The following ZNF385D variants were observed in gnomAD, a reference collection of about 807,000 sequenced individuals.
The protein encoded by ZNF385D is zinc finger protein 659.
Under a neutral mutation model 35.8 loss-of-function variants are expected in ZNF385D, and 15 were observed. The observed-to-expected ratio is 0.42, with a 90% CI of 0.28 to 0.64. The LOEUF (loss-of-function observed/expected upper bound fraction) is 0.64. ZNF385D is among the 30% of genes least tolerant of loss of function. The pLI, the probability that ZNF385D is intolerant of heterozygous loss-of-function variation, is 0.23. For synonymous variants in ZNF385D, 212 were observed against 186.8 expected (o/e 1.13, Z -1.10); for missense variants, 474 against 494.6 (o/e 0.96, Z 0.39).
intron 3 of ZNF385D, among the ~76,000 whole-genome samples, chr3:21,513,029 C>T (rs77300348): frequency 2.3e-4 from 35 of 152,054 alleles, no homozygotes; most frequent in Non-Finnish European, 4.4e-4. Flanking sequence ...ATCGTGCTAT[C>T]TCCACTTATA....
In ZNF385D at chr3:22,228,085, T is replaced by C. The variant is rs116617982; in HGVS notation, c.107-59050A>G. Among the ~76,000 whole-genome samples, 1,367 of 152,220 alleles carry C rather than the reference T, an allele frequency of 9.0e-3. 18 individuals carry two copies. Among genetic ancestry groups the C allele is most frequent in the African/African-American group, 0.031 (1,288 of 41,528 alleles). ...ATGAAGACAGCGGAGACGGTGGTGATTGACAGAGAGGCAAGATGGTAAGAT... is the reference window on the plus strand; with the variant it reads ...ATGAAGACAGCGGAGACGGTGGTGACTGACAGAGAGGCAAGATGGTAAGAT... On this transcript the variant is annotated intron_variant, in intron 2 of 5. Transcript: ENST00000494108.
rs1298017718 is a variant in ZNF385D, at chr3:22,239,525, A to G, written c.107-70490T>C. Among the ~76,000 whole-genome samples, 15 of 151,002 alleles carry G rather than the reference A, an allele frequency of 9.9e-5. 1 individual carries two copies. The East Asian group carries it at 1.2e-3, about 12-fold the overall frequency. ...ACATACTACCACATATACAAAATACATATAATCATATTTTAAGTCTTTAAA... is the reference window on the plus strand; with the variant it reads ...ACATACTACCACATATACAAAATACGTATAATCATATTTTAAGTCTTTAAA... On this transcript the variant is annotated intron_variant, in intron 2 of 5. Coordinates refer to the ZNF385D transcript ENST00000494108.
At chr3:22,242,344 T>C (rs1478542571) in intron 2 of ZNF385D, among the ~76,000 whole-genome samples, 1 of 150,946 alleles carries the variant, frequency 6.6e-6, no homozygotes, top group Non-Finnish European at 1.5e-5. Flanking sequence ...TTGAAGAGAG[T>C]GCTTCTCACT....
chr3:21,949,550 C>CT (rs113874566), intron 3 of ZNF385D, among the ~76,000 whole-genome samples: 53,237 of 96,534 alleles, frequency 0.55, 11,218 homozygotes, highest in African/African-American at 0.58. Context: ...TCTTTTCTTT[C>CT]TTTCTTTTTT....
intron 3 of ZNF385D, among the ~76,000 whole-genome samples, chr3:21,985,509 G>C (rs1261818308): frequency 8.7e-6 from 1 of 115,256 alleles, no homozygotes; most frequent in African/African-American, 3.8e-5. Context: ...GCATCCCAGG[G>C]ATGAAGCCCA....
intron 3 of ZNF385D, among the ~76,000 whole-genome samples, chr3:21,960,706 A>T (rs1382278362): frequency 6.6e-6 from 1 of 152,152 alleles, no homozygotes; most frequent in African/African-American, 2.4e-5. Flanking sequence ...CAACAGATAA[A>T]TGGATAAAGA....
chr3:21,816,533 A>G (rs1020213246), intron 3 of ZNF385D, among the ~76,000 whole-genome samples: 3 of 152,136 alleles, frequency 2.0e-5, no homozygotes, highest in Non-Finnish European at 2.9e-5. Flanking sequence ...CTATGCACCA[A>G]TAACAGACAG....
chr3:22,194,120 A>G, intron 2 of ZNF385D, among the ~76,000 whole-genome samples: 1 of 151,898 alleles, frequency 6.6e-6, no homozygotes, highest in East Asian at 1.9e-4. Context: ...ACACAGAAGA[A>G]TTATTATTTT....
At chr3:21,988,867 C>T (rs564627354) in intron 3 of ZNF385D, among the ~76,000 whole-genome samples, 30 of 152,354 alleles carry the variant, frequency 2.0e-4, no homozygotes, top group East Asian at 1.7e-3. Context: ...GATATACTCT[C>T]GTGGTGCGCC....
intron 2 of ZNF385D, among the ~76,000 whole-genome samples, chr3:22,250,378 G>T (rs889168255): frequency 6.6e-6 from 1 of 151,780 alleles, no homozygotes; most frequent in African/African-American, 2.4e-5. Context: ...TTTTTTAAAA[G>T]GTGTATTTCT....
intron 2 of ZNF385D, among the ~76,000 whole-genome samples, chr3:22,236,392 A>C (rs992173721): frequency 6.6e-6 from 1 of 152,000 alleles, no homozygotes; most frequent in Non-Finnish European, 1.5e-5. Flanking sequence ...AGAAGAGAGG[A>C]GTAATCATAG....
chr3:21,473,656 C>A (rs1212057340), intron 4 of ZNF385D, among the ~76,000 whole-genome samples: 2 of 152,038 alleles, frequency 1.3e-5, no homozygotes, highest in African/African-American at 4.8e-5. Flanking sequence ...GTTGTTCAAA[C>A]CTGAGTGACA....
At position 22,178,474 on chromosome 3, in the gene ZNF385D, G is replaced by T. The variant is rs551037221; in HGVS notation, c.107-9439C>A. On this transcript the variant is annotated intron_variant, in intron 2 of 5. Transcript: ENST00000494108. ...TTGTTTGAGTTCTTTGTAGATTCTGGATATTAGCCCTTTGTCAGATGAGTA... is the reference window on the plus strand; with the variant it reads ...TTGTTTGAGTTCTTTGTAGATTCTGTATATTAGCCCTTTGTCAGATGAGTA... Among the ~76,000 whole-genome samples the T allele has an allele frequency of 9.2e-5, 14 of 152,246 alleles. No individual in the cohort carries two copies. The East Asian group carries it at 1.5e-3, about 17-fold the overall frequency.
intron 3 of ZNF385D, among the ~76,000 whole-genome samples, chr3:21,797,094 G>C (rs903350537): frequency 6.6e-6 from 1 of 152,144 alleles, no homozygotes; most frequent in Non-Finnish European, 1.5e-5. Context: ...ACACATATCT[G>C]ATAAAGGACT....
intron 2 of ZNF385D, among the ~76,000 whole-genome samples, chr3:22,187,295 C>T (rs1458235794): frequency 1.3e-5 from 2 of 152,148 alleles, no homozygotes; most frequent in Non-Finnish European, 2.9e-5. Flanking sequence ...GTGCTAAACA[C>T]TAATCAACAC....
intron 3 of ZNF385D, among the ~76,000 whole-genome samples, chr3:21,883,480 A>G (rs1178923233): frequency 1.3e-5 from 2 of 151,958 alleles, no homozygotes; most frequent in East Asian, 3.9e-4. Flanking sequence ...AGGGTTTATG[A>G]TATATATTCT....
chr3:21,898,932 C>T (rs1699269239), intron 3 of ZNF385D, among the ~76,000 whole-genome samples: 1 of 152,152 alleles, frequency 6.6e-6, no homozygotes. Context: ...GACTTCTCCT[C>T]ACGTCTCATT....
chr3:21,878,753 G>A (rs1287222765), intron 3 of ZNF385D, among the ~76,000 whole-genome samples: 3 of 152,062 alleles, frequency 2.0e-5, no homozygotes, highest in Admixed American at 2.0e-4. Flanking sequence ...CTATTGAGAA[G>A]ATTTAAATAT....
At chr3:21,695,784 A>G (rs898093704) in intron 1 of ZNF385D, among the ~76,000 whole-genome samples, 2 of 151,552 alleles carry the variant, frequency 1.3e-5, no homozygotes, top group Non-Finnish European at 2.9e-5. Flanking sequence ...GTTAATAAAC[A>G]TATTTCATTT....
Sources: gnomAD v4.1 joint callset for allele counts (sites outside exome capture counted in the v4.1 genomes callset) on GRCh38, gnomAD v4.1.1 for gene constraint, MANE v1.5 for transcripts, NCBI Gene and HGNC (gene_info 2026-07-23, HGNC 2026-07-21) for gene names.